Variants in RNF20 observed in about 807,000 individuals in gnomAD.
The protein encoded by RNF20 is ring finger protein 20, also known as E3 ubiquitin-protein ligase BRE1A.
Under a neutral mutation model 126.2 loss-of-function variants are expected in RNF20, and 84 were observed. The observed-to-expected ratio is 0.67, with a 90% CI of 0.56 to 0.80. The LOEUF is 0.80. Among genes scored for constraint, RNF20 ranks in the 30% least tolerant of loss-of-function variants. The pLI is 0.00. For missense variants in RNF20, 869 were observed against 1,188.2 expected (o/e 0.73, Z 3.95); for synonymous variants, 400 against 414.3 (o/e 0.97, Z 0.42).
intron 6 of RNF20, among the ~76,000 whole-genome samples, chr9:101,546,118 A>G (rs1827343711): frequency 1.3e-5 from 2 of 152,214 alleles, no homozygotes; most frequent in Non-Finnish European, 2.9e-5. Context: ...CCCAGATTCA[A>G]GAGGAGGGAA....
intron 14 of RNF20, 122 bp downstream of exon 14, chr9:101,554,227 T>C: frequency 1.7e-6 from 1 of 589,304 alleles, no homozygotes; most frequent in Non-Finnish European, 3.0e-6. Flanking sequence ...AAGTGCAACA[T>C]TTTCTGCCTT....
Position 101,544,866 on chromosome 9 carries a change from A to G in RNF20, c.728A>G (p.His243Arg). ...TTGACAGATCTTCTTCAGGAAAAGC[A>G]TCGCACCATGTCTCAGGAGGTACTT... The part of the protein sequence containing the change: ...QELTDLLQEK[H>R]RTMSQEFSKL... Residue 243 changes from histidine (H) to arginine (R), a missense_variant, in exon 6 of 20, where the codon CAT becomes CGT. Physicochemically the swap from His to Arg is conservative, Grantham distance 29. Transcript: ENST00000389120. 2.5e-6 allele frequency: 4 copies of G among 1,611,784 alleles called. No individual in the cohort carries two copies. Among genetic ancestry groups the G allele is most frequent in the East Asian group, 2.2e-5 (1 of 44,852 alleles).
Position 101,547,096 on chromosome 9 carries a change from C to G in RNF20, c.895-41C>G, listed in dbSNP as rs749808605. ...AGGTACATTGGTTATAGACTGAAAT[C>G]TTAAGAGTCTCTCACTAAAGAATCT... On this transcript the variant is annotated intron_variant, in intron 7 of 19. Transcript: ENST00000389120. 3 of 1,606,962 alleles carry G rather than the reference C, an allele frequency of 1.9e-6. No individual in the cohort carries two copies. The Admixed American group carries it at 5.0e-5, about 27-fold the overall frequency.
At chr9:101,536,556 C>A (rs1397178362) in intron 2 of RNF20, among the ~76,000 whole-genome samples, 2 of 152,120 alleles carry the variant, frequency 1.3e-5, no homozygotes, top group Non-Finnish European at 2.9e-5. Context: ...TTTGTTTTAG[C>A]ACTGCCTTGC....
intron 16 of RNF20, among the ~76,000 whole-genome samples, chr9:101,558,992 G>A (rs370549623): frequency 6.6e-6 from 1 of 152,122 alleles, no homozygotes; most frequent in East Asian, 1.9e-4. Context: ...TGTCTAGAAG[G>A]ATTTTTCCAA....
In RNF20 at chr9:101,535,416, C is replaced by T. The variant is rs1230189609; in HGVS notation, c.-8C>T. 6 of 1,611,220 alleles carry T rather than the reference C, an allele frequency of 3.7e-6. No homozygotes were observed. The highest frequency in any genetic ancestry group is 5.1e-6 in the Non-Finnish European group (6 of 1,179,174). ...CTATCAGGAAAACGACTGTCTTCTT[C>T]TGCCAAAATGTCAGGAATTGGAAAT... On this transcript the variant is annotated 5_prime_UTR_variant, in exon 2 of 20. Coordinates refer to ENST00000389120, the MANE Select transcript of RNF20 (RefSeq NM_019592.7).
At chr9:101,553,445 G>A (rs1827481122) in intron 13 of RNF20, among the ~76,000 whole-genome samples, 1 of 152,198 alleles carries the variant, frequency 6.6e-6, no homozygotes, top group South Asian at 2.1e-4. Flanking sequence ...TAGTTAAGAG[G>A]TTTAGTAATT....
At chr9:101,555,906 C>T (rs180748137) in intron 15 of RNF20, among the ~76,000 whole-genome samples, 3 of 151,156 alleles carry the variant, frequency 2.0e-5, no homozygotes, top group South Asian at 2.1e-4. Context: ...TGCAGTGAGC[C>T]GAGATGGCGC....
rs747252881 is a variant in RNF20, at chr9:101,546,852, C to T, written c.780C>T (p.Ala260=). The T allele has an allele frequency of 1.4e-5, 23 of 1,613,854 alleles. No homozygotes were observed. Among genetic ancestry groups the T allele is most frequent in the Admixed American group, 5.0e-5 (3 of 59,982 alleles). ...AGTTGCAGAGTAAAGTGGAGACAGC[C>T]GAATCACGAGTGTCTGTCCTGGAGT... ...FSKLQSKVET[A]ESRVSVLESM... The change falls in exon 7 of 20, where the codon GCC becomes GCT. Residue 260 remains alanine (A), a synonymous_variant. Coordinates refer to ENST00000389120, the MANE Select transcript of RNF20 (RefSeq NM_019592.7).
chr9:101,552,345 A>C (rs747298417), intron 12 of RNF20, 38 bp from the exon 13 acceptor site: 1 of 1,609,834 alleles, frequency 6.2e-7, no homozygotes, highest in African/African-American at 1.3e-5. Flanking sequence ...TGTGGTTATC[A>C]TAAGAGATGT....
rs1827557313 is a variant in RNF20 at position 101,557,705 on chromosome 9, A to G, written c.2382+109A>G. ...GGCACATTTTTGTGATTGGAAAAAA[A>G]TTTGAAAACTAAATGTTCATCATTA... On this transcript the variant is annotated intron_variant, in intron 16 of 19. Coordinates refer to ENST00000389120, the MANE Select transcript of RNF20 (RefSeq NM_019592.7). 1.8e-5 allele frequency: 14 copies of G among 769,210 alleles called. 2 individuals are homozygous for G. The highest frequency in any genetic ancestry group is 1.7e-4 in the South Asian group (9 of 54,214). The allele number at this position is 769,210 out of a possible 1,614,324, so 47.6% of individuals were successfully genotyped here. A position where few individuals can be genotyped will look rare whatever the true frequency, so the allele number is the denominator to read the frequency against.
At chr9:101,557,301 C>T in intron 15 of RNF20, 83 bp from the exon 16 acceptor site, 1 of 942,266 alleles carries the variant, frequency 1.1e-6, no homozygotes, top group South Asian at 1.6e-5. Flanking sequence ...TCTAAATGAA[C>T]AGTGGGAAAA....
intron 9 of RNF20, among the ~76,000 whole-genome samples, chr9:101,550,313 G>A (rs1373188924): frequency 6.6e-6 from 1 of 152,052 alleles, no homozygotes; most frequent in Non-Finnish European, 1.5e-5. Context: ...TTTAAAATAA[G>A]CATCCTGACA....
intron 2 of RNF20, among the ~76,000 whole-genome samples, chr9:101,536,313 C>T (rs1827183586): frequency 6.6e-6 from 1 of 152,104 alleles, no homozygotes; most frequent in African/African-American, 2.4e-5. Flanking sequence ...GAAAATCAGA[C>T]ATGGGGATGT....
In RNF20 at chr9:101,560,874, GGGA is replaced by G; in HGVS notation, c.2458_2460del (p.Glu820del). ...CTGTTACAGAGCAACATTGGCACAGGGGAGAAAGAGCTGGGTCTTAGGACCCAA... is the reference window on the plus strand; with the variant it reads ...CTGTTACAGAGCAACATTGGCACAGGGAAAGAGCTGGGTCTTAGGACCCAA... On this transcript the variant is annotated inframe_deletion, in exon 17 of 20. Coordinates refer to ENST00000389120, the MANE Select transcript of RNF20 (RefSeq NM_019592.7). 3.1e-6 allele frequency: 5 copies of G among 1,613,720 alleles called. No homozygotes were observed. The highest frequency in any genetic ancestry group is 4.2e-6 in the Non-Finnish European group (5 of 1,179,720).
intron 2 of RNF20, among the ~76,000 whole-genome samples, chr9:101,539,163 A>G (rs1391487044): frequency 6.6e-6 from 1 of 152,224 alleles, no homozygotes; most frequent in African/African-American, 2.4e-5. Flanking sequence ...AGGGTTTGGT[A>G]GAGGTTGATG....
chr9:101,540,453 C>A (rs199601191), intron 3 of RNF20, 37 bp from the exon 4 acceptor site: 1 of 1,611,246 alleles, frequency 6.2e-7, no homozygotes, highest in South Asian at 1.1e-5. Context: ...AAAGTTGTGT[C>A]CTTTGTTTCT....
In RNF20 at chr9:101,533,897, A is replaced by ATC. The variant is rs895320729; in HGVS notation, c.-40_-39dup. 3.3e-5 allele frequency: 5 copies of ATC among 152,258 alleles called. No homozygotes were observed. Among genetic ancestry groups the ATC allele is most frequent in the Non-Finnish European group, 5.9e-5 (4 of 68,152 alleles). 9.4% of individuals were successfully genotyped at this position (152,258 alleles called of 1,614,324 possible). ...CCGCGGGTCAGGGGTGAGAGCTGGA[A>ATC]TCTCTGCACGGGCCTTGGTGAGTAA... On this transcript the variant is annotated 5_prime_UTR_variant, in exon 1 of 20. Transcript: ENST00000389120.
Position 101,535,571 on chromosome 9 carries a change from A to T in RNF20, c.129+19A>T. ...TTCAACGGTATGAGGAAACAGTGCC[A>T]TGAAAGTGTGCTTGTCTTCTGTCAG... On this transcript the variant is annotated intron_variant, in intron 2 of 19. Transcript: ENST00000389120. 1 of 1,601,448 alleles carries T rather than the reference A, an allele frequency of 6.2e-7. No homozygotes were observed. The highest frequency in any genetic ancestry group is 8.5e-7 in the Non-Finnish European group (1 of 1,174,366).
Sources: allele counts gnomAD v4.1 joint callset (sites outside exome capture counted in the v4.1 genomes callset), GRCh38; gene constraint gnomAD v4.1.1; transcripts MANE v1.5; gene names NCBI Gene and HGNC (gene_info 2026-07-23, HGNC 2026-07-21).